Variants in TRERF1 observed in about 807,000 individuals in gnomAD.
TRERF1 encodes transcriptional-regulating factor 1.
A neutral mutation model predicts 122.9 loss-of-function variants in TRERF1; 27 were observed. The ratio of observed to expected loss-of-function variants is 0.22; its 90% CI spans 0.16 to 0.30. The LOEUF (loss-of-function observed/expected upper bound fraction) is 0.30. Among genes scored for constraint, TRERF1 ranks in the 10% least tolerant of loss-of-function variants. The probability of loss-of-function intolerance (pLI) is 1.00; values close to 1 mark genes in which losing one functional copy is unlikely to be tolerated. For synonymous variants in TRERF1, 636 were observed against 641.7 expected, an observed-to-expected ratio of 0.99 and a Z score of 0.13; for missense variants, 1,248 against 1,560.3, an observed-to-expected ratio of 0.80 and a Z score of 3.37.
chr6:42,357,754 C>CAGA (rs1770877327), intron 3 of TRERF1, among the ~76,000 whole-genome samples: 1 of 152,172 alleles, frequency 6.6e-6, no homozygotes, highest in South Asian at 2.1e-4. Context: ...TGGCCTAACA[C>CAGA]AGAAGCTTAA....
chr6:42,319,230 T>A (rs1044428346), intron 3 of TRERF1, among the ~76,000 whole-genome samples: 16 of 152,238 alleles, frequency 1.1e-4, no homozygotes, highest in African/African-American at 3.4e-4. Flanking sequence ...ACCATGTAGA[T>A]GTTTGTGATT....
At chr6:42,376,143 C>G (rs892210500) in intron 2 of TRERF1, among the ~76,000 whole-genome samples, 1 of 152,134 alleles carries the variant, frequency 6.6e-6, no homozygotes. Flanking sequence ...GCCTGGCCAC[C>G]CCCAGTTCCA....
chr6:42,255,537 G>A (rs1006292723), intron 12 of TRERF1, among the ~76,000 whole-genome samples: 1 of 152,122 alleles, frequency 6.6e-6, no homozygotes, highest in Non-Finnish European at 1.5e-5. Flanking sequence ...CCTGGGAGCC[G>A]GTCAAAAAGG....
At position 42,232,450 on chromosome 6, in the gene TRERF1, C is replaced by G. The variant is rs2149485088; in HGVS notation, c.3278+231G>C. The stretch of plus-strand genomic sequence containing the variant: ...GGAAAGAGTGAAGTTTTGTAACTTA[C>G]AGGTTCACTCTCTGAAGATATCCAT... On this transcript the variant is annotated intron_variant, in intron 17 of 17. Transcript: ENST00000372922. The surrounding 1 kb of genome is among the most constrained non-coding windows in gnomAD (Gnocchi z 4.5). 6.6e-6 allele frequency among the ~76,000 whole-genome samples: 1 copy of G among 152,216 alleles called. No homozygotes were observed.
At chr6:42,417,863 C>T (rs982077365) in intron 2 of TRERF1, among the ~76,000 whole-genome samples, 12 of 152,218 alleles carry the variant, frequency 7.9e-5, no homozygotes, top group African/African-American at 2.9e-4. Context: ...GCCAAGAACT[C>T]GGTGAGCTGC....
exon 18 of TRERF1, chr6:42,227,259 G>GT (rs764232203): frequency 6.6e-6 from 1 of 152,134 alleles, no homozygotes; most frequent in Non-Finnish European, 1.5e-5. Flanking sequence ...ATTTGCTATC[G>GT]TATGTGTTAG....
intron 3 of TRERF1, among the ~76,000 whole-genome samples, chr6:42,318,195 A>G (rs1583006089): frequency 6.6e-6 from 1 of 152,014 alleles, no homozygotes; most frequent in Admixed American, 6.5e-5. Context: ...AGTTTTAACC[A>G]TTGAATAATA....
intron 3 of TRERF1, among the ~76,000 whole-genome samples, chr6:42,320,702 G>C (rs1257682868): frequency 1.3e-5 from 2 of 152,142 alleles, no homozygotes; most frequent in Admixed American, 1.3e-4. Flanking sequence ...GTAGAGATGG[G>C]ATTTCGCCAT....
At chr6:42,250,903 T>C (rs1400254900) in intron 13 of TRERF1, among the ~76,000 whole-genome samples, 3 of 151,918 alleles carry the variant, frequency 2.0e-5, no homozygotes, top group East Asian at 1.9e-4. Flanking sequence ...ACATGGAGGG[T>C]TGAGAGAAAG....
chr6:42,440,241 T>C (rs1582253187), intron 2 of TRERF1, among the ~76,000 whole-genome samples: 1 of 152,102 alleles, frequency 6.6e-6, no homozygotes, highest in South Asian at 2.1e-4. Flanking sequence ...TTTGCTGAGG[T>C]TCTTAGAGTC....
intron 2 of TRERF1, among the ~76,000 whole-genome samples, chr6:42,399,831 C>T (rs1779140932): frequency 6.6e-6 from 1 of 152,086 alleles, no homozygotes; most frequent in Admixed American, 6.5e-5. Context: ...GCTTCTCTAC[C>T]CTAGTTTCTC....
At chr6:42,337,993 C>T (rs755288444) in intron 3 of TRERF1, among the ~76,000 whole-genome samples, 2 of 152,170 alleles carry the variant, frequency 1.3e-5, no homozygotes, top group Non-Finnish European at 2.9e-5. Context: ...TCAGGCCCTA[C>T]CCTGGACCTC....
intron 2 of TRERF1, among the ~76,000 whole-genome samples, chr6:42,443,917 G>A (rs981004527): frequency 3.3e-5 from 5 of 152,222 alleles, no homozygotes; most frequent in East Asian, 3.9e-4. Flanking sequence ...CGTTGACATC[G>A]CACTTTCCAT....
At chr6:42,354,482 A>G (rs1411693046) in intron 3 of TRERF1, among the ~76,000 whole-genome samples, 1 of 151,676 alleles carries the variant, frequency 6.6e-6, no homozygotes, top group Non-Finnish European at 1.5e-5. Context: ...AGTAATATTC[A>G]ATGCTATAGA....
chr6:42,289,114 G>A (rs1260668044), intron 4 of TRERF1, among the ~76,000 whole-genome samples: 1 of 151,812 alleles, frequency 6.6e-6, no homozygotes, highest in African/African-American at 2.4e-5. Context: ...ATTTGAGGTC[G>A]AGAGTTCAAG....
At position 42,264,800 on chromosome 6, in the gene TRERF1, T is replaced by C. The variant is rs1424549827; in HGVS notation, c.1539A>G (p.Thr513=). Residue 513 remains threonine (T), a synonymous_variant, in exon 7 of 18, where the codon ACA becomes ACG. Coordinates refer to ENST00000372922, the Ensembl canonical transcript of TRERF1. Reference sequence around the variant, plus strand: ...TGAACTCCTTCAGGCAGATGGAGCATGTCAGCTTGTTCTTGGCATCAAACT... The same window carrying C: ...TGAACTCCTTCAGGCAGATGGAGCACGTCAGCTTGTTCTTGGCATCAAACT... 11 of 1,614,100 alleles carry C rather than the reference T, an allele frequency of 6.8e-6. No homozygotes were observed. In the East Asian group the frequency reaches 1.3e-4, roughly 20 times the overall value.
chr6:42,306,605 C>T (rs1331169922), intron 3 of TRERF1, among the ~76,000 whole-genome samples: 2 of 152,186 alleles, frequency 1.3e-5, no homozygotes. Flanking sequence ...ACAGCTCCAA[C>T]CAGCTTGTCT....
At chr6:42,344,623 C>T (rs1767924433) in intron 3 of TRERF1, among the ~76,000 whole-genome samples, 1 of 152,120 alleles carries the variant, frequency 6.6e-6, no homozygotes, top group Non-Finnish European at 1.5e-5. Flanking sequence ...CGGTTCCTGC[C>T]CAGTGCTACT....
rs1297888243 is a variant in TRERF1 at position 42,320,790 on chromosome 6, G to A, written c.-370-20041C>T. 9.2e-5 allele frequency among the ~76,000 whole-genome samples: 14 copies of A among 152,090 alleles called. 1 individual carries two copies. The highest frequency in any genetic ancestry group is 2.1e-4 in the South Asian group (1 of 4,834). On this transcript the variant is annotated intron_variant, in intron 3 of 17. Transcript: ENST00000372922. The stretch of plus-strand genomic sequence containing the variant: ...CTCCCAAAGTGCTGGAATTACATGC[G>A]TAAGCCACCGCACCTGGCCTAATAA...
Sources: allele counts gnomAD v4.1 joint callset (sites outside exome capture counted in the v4.1 genomes callset), GRCh38; gene constraint gnomAD v4.1.1; non-coding constraint Gnocchi (gnomAD v3.1); transcripts MANE v1.5; gene names NCBI Gene and HGNC (gene_info 2026-07-23, HGNC 2026-07-21).